GLYATL2: variants seen among roughly 807,000 people sequenced by gnomAD.
The protein encoded by GLYATL2 is glycine-N-acyltransferase like 2, also known as glycine N-acyltransferase-like protein 2.
In GLYATL2, 25 loss-of-function variants were observed where a neutral mutation model predicts 21.4. That is an observed-to-expected ratio of 1.17 (90% CI 0.85 to 1.63). GLYATL2 has a LOEUF of 1.63. Ranked by LOEUF, GLYATL2 falls within the 40% of genes most tolerant of loss-of-function variation. The probability of loss-of-function intolerance (pLI) is 0.00; values close to 1 mark genes in which losing one functional copy is unlikely to be tolerated. For missense variants in GLYATL2, 361 were observed against 343.3 expected (o/e 1.05, Z -0.41); for synonymous variants, 114 against 118.2 (o/e 0.96, Z 0.23).
rs550241828 is a variant in GLYATL2 at position 58,877,884 on chromosome 11, T to A, written n.60+26272A>T. Reference sequence around the variant, plus strand: ...ACTCTGTACTTCTACATTTCAGTCCTTTTGGGTGAACGGTAACCTACCTTA... The same window carrying A: ...ACTCTGTACTTCTACATTTCAGTCCATTTGGGTGAACGGTAACCTACCTTA... On this transcript the variant is annotated intron_variant and non_coding_transcript_variant, in intron 1 of 4. Transcript: ENST00000533636. 3.9e-5 allele frequency among the ~76,000 whole-genome samples: 6 copies of A among 152,358 alleles called. No homozygotes were observed. The Middle Eastern group carries it at 0.017, about 432-fold the overall frequency.
chr11:58,883,543 A>G (rs369758373), intron 1 of GLYATL2, among the ~76,000 whole-genome samples: 1 of 152,350 alleles, frequency 6.6e-6, no homozygotes, highest in South Asian at 2.1e-4. Flanking sequence ...TGAATAGACC[A>G]ATAACAGGCT....
At chr11:58,903,978 T>A (rs939713756) in intron 1 of GLYATL2, among the ~76,000 whole-genome samples, 1 of 152,150 alleles carries the variant, frequency 6.6e-6, no homozygotes, top group Non-Finnish European at 1.5e-5. Flanking sequence ...TCCTCAGACT[T>A]CCCCATATCA....
chr11:58,856,039 G>C (rs1853822299), intron 1 of GLYATL2, among the ~76,000 whole-genome samples: 3 of 152,124 alleles, frequency 2.0e-5, no homozygotes, highest in Admixed American at 6.5e-5. Flanking sequence ...GCTGAGGGAG[G>C]AGAATCGCTT....
At chr11:58,874,730 A>G (rs983706357) in intron 1 of GLYATL2, among the ~76,000 whole-genome samples, 4 of 152,166 alleles carry the variant, frequency 2.6e-5, no homozygotes, top group Admixed American at 6.5e-5. Flanking sequence ...ATTTTGTAGT[A>G]GTTGTAGTGT....
At chr11:58,907,487 T>G (rs1854928949), upstream of GLYATL2, 1 of 409,022 alleles carries the variant, frequency 2.4e-6, no homozygotes, top group Non-Finnish European at 4.9e-6. Flanking sequence ...TTGTTTGTTT[T>G]GTTTTGTTTT....
In GLYATL2 at chr11:58,879,171, C is replaced by A. The variant is rs1031613992; in HGVS notation, n.60+24985G>T. On this transcript the variant is annotated intron_variant and non_coding_transcript_variant, in intron 1 of 4. Transcript: ENST00000533636. ...TCTCATCTTTAACTATGGTTCCAGT[C>A]CCTTCCATTTTTTTTTTCAATCTTG... Among the ~76,000 whole-genome samples the A allele has an allele frequency of 3.5e-4, 3 of 8,494 alleles. No individual in the cohort carries two copies. In the South Asian group the frequency reaches 0.019, roughly 53 times the overall value. 5.6% of individuals were successfully genotyped at this position (8,494 alleles called of 152,430 possible). A position where few individuals can be genotyped will look rare whatever the true frequency, so the allele number is the denominator to read the frequency against.
In GLYATL2 at chr11:58,838,143, T is replaced by C; in HGVS notation, c.186+118A>G. ...TCTCCCAAACAGCCCTTCCAAAACC[T>C]GCATACATCAACAGTGTCAATGTTC... is the stretch of plus-strand genomic sequence containing the variant. On this transcript the variant is annotated intron_variant, in intron 3 of 5. Transcript: ENST00000287275. 7.7e-6 allele frequency: 5 copies of C among 651,176 alleles called. No individual in the cohort carries two copies. In the South Asian group the frequency reaches 1.0e-4, roughly 13 times the overall value. The allele number at this position is 651,176 out of a possible 1,614,324, so 40.3% of individuals were successfully genotyped here.
chr11:58,885,142 ATTG>A (rs1289603807), intron 1 of GLYATL2: 2 of 153,514 alleles, frequency 1.3e-5, no homozygotes, highest in African/African-American at 4.8e-5. Context: ...ACCTCTTAAA[ATTG>A]TTGTGAACAC....
At chr11:58,855,973 T>TA (rs538353161) in intron 1 of GLYATL2, among the ~76,000 whole-genome samples, 7 of 151,482 alleles carry the variant, frequency 4.6e-5, no homozygotes, top group South Asian at 4.2e-4. Flanking sequence ...AAAATAAAAA[T>TA]AAAAAAAATC....
At position 58,834,649 on chromosome 11, in the gene GLYATL2, T is replaced by C; in HGVS notation, c.665A>G (p.Glu222Gly). ...VSWIVMEQSCELRMGYTVPKY... is the reference protein window; with the variant it reads ...VSWIVMEQSCGLRMGYTVPKY... ...GGGGACAGTATAACCCATTCTCAAC[T>C]CACAGGACTGTTCCATCACAATCCA... is the stretch of plus-strand genomic sequence containing the variant. Residue 222 changes from glutamate to glycine, a missense_variant, in exon 6 of 6, where the codon GAG becomes GGG. Glu to Gly is a moderately conservative substitution (Grantham distance 98). Coordinates refer to ENST00000287275, the MANE Select transcript of GLYATL2 (RefSeq NM_145016.4). The C allele has an allele frequency of 6.2e-7, 1 of 1,613,476 alleles. No individual in the cohort carries two copies. Among genetic ancestry groups the C allele is most frequent in the South Asian group, 1.1e-5 (1 of 91,030 alleles).
chr11:58,890,115 G>A (rs1854514868), intron 1 of GLYATL2, among the ~76,000 whole-genome samples: 1 of 152,026 alleles, frequency 6.6e-6, no homozygotes, highest in Non-Finnish European at 1.5e-5. Flanking sequence ...CCACCCTCTA[G>A]TAGTCCACAG....
In GLYATL2 at chr11:58,834,741, A is replaced by G. The variant is rs1853396364; in HGVS notation, c.573T>C (p.Tyr191=). ...GAAAATCCTGGAGGCAGCGTTCAAT[A>G]TATTTCAAGCTCCTCTCATTTTTCC... ...AFGKNERSLK[Y]IERCLQDFLG... is the part of the protein sequence containing the mutation. The change falls in exon 6 of 6, where the codon TAT becomes TAC. Residue 191 remains tyrosine, a synonymous_variant. Coordinates refer to ENST00000287275, the MANE Select transcript of GLYATL2 (RefSeq NM_145016.4). 1 of 1,614,026 alleles carries G rather than the reference A, an allele frequency of 6.2e-7. No homozygotes were observed. Among genetic ancestry groups the G allele is most frequent in the East Asian group, 2.2e-5 (1 of 44,880 alleles).
At chr11:58,874,478 G>T (rs1433739683) in intron 1 of GLYATL2, among the ~76,000 whole-genome samples, 2 of 152,150 alleles carry the variant, frequency 1.3e-5, no homozygotes, top group Non-Finnish European at 2.9e-5. Context: ...CAGAGATTCT[G>T]GAATGTTGTG....
chr11:58,867,339 C>T lies in GLYATL2; in HGVS notation n.61-28971G>A, dbSNP rs572108186. On this transcript the variant is annotated intron_variant and non_coding_transcript_variant, in intron 1 of 4. Transcript: ENST00000533636. ...TTATAAAGCATTAATTCAGGGTGGA[C>T]TCTTGGCAGCGTGTAATTTATGGTG... Among the ~76,000 whole-genome samples, 157 of 149,180 alleles carry T rather than the reference C, an allele frequency of 1.1e-3. 8 individuals are homozygous for T. Among genetic ancestry groups the T allele is most frequent in the African/African-American group, 3.3e-3 (138 of 41,374 alleles).
rs1590734360 is a variant in GLYATL2 at position 58,868,097 on chromosome 11, C to A, written n.61-29729G>T. ...AGGAGCCTACAGATGGGAGAGGAAG[C>A]CATTCTCCTGGCCAAAGTCCTGATA... On this transcript the variant is annotated intron_variant and non_coding_transcript_variant, in intron 1 of 4. Coordinates refer to the GLYATL2 transcript ENST00000533636. Among the ~76,000 whole-genome samples, 4 of 148,946 alleles carry A rather than the reference C, an allele frequency of 2.7e-5. 1 individual carries two copies. Among genetic ancestry groups the A allele is most frequent in the Admixed American group, 1.4e-4 (2 of 14,466 alleles).
chr11:58,840,107 GAA>G (rs5792130), intron 1 of GLYATL2, among the ~76,000 whole-genome samples: 1 of 150,678 alleles, frequency 6.6e-6, no homozygotes, highest in Non-Finnish European at 1.5e-5. Flanking sequence ...ATAATCTTCT[GAA>G]AAAAAAATCT....
intron 1 of GLYATL2, among the ~76,000 whole-genome samples, chr11:58,894,484 A>C (rs1181175132): frequency 1.3e-4 from 19 of 151,960 alleles, no homozygotes; most frequent in African/African-American, 4.6e-4. Flanking sequence ...AGCAAAAAAA[A>C]AAAAAAAAAG....
chr11:58,848,586 C>T (rs774091483), upstream of GLYATL2, among the ~76,000 whole-genome samples: 18 of 151,772 alleles, frequency 1.2e-4, no homozygotes, highest in Admixed American at 2.6e-4. Flanking sequence ...GACCTTTATT[C>T]GCAGAATTAA....
chr11:58,851,150 A>G (rs1274604038), intron 1 of GLYATL2, among the ~76,000 whole-genome samples: 3 of 152,034 alleles, frequency 2.0e-5, no homozygotes, highest in Non-Finnish European at 4.4e-5. Context: ...AATAAATAAC[A>G]GTGCAGCCAG....
Sources: allele counts gnomAD v4.1 joint callset (sites outside exome capture counted in the v4.1 genomes callset), GRCh38; gene constraint gnomAD v4.1.1; transcripts MANE v1.5; gene names NCBI Gene and HGNC (gene_info 2026-07-23, HGNC 2026-07-21).